Variants in SDHA observed in about 807,000 individuals in gnomAD.
SDHA encodes succinate dehydrogenase complex flavoprotein subunit A, also known as succinate dehydrogenase [ubiquinone] flavoprotein subunit, mitochondrial.
SDHA carries 48 observed loss-of-function variants against 78.4 expected under a neutral mutation model. The observed-to-expected ratio is 0.61, with a 90% CI of 0.49 to 0.78. The LOEUF (loss-of-function observed/expected upper bound fraction) is 0.78, where lower values mean the gene tolerates loss of function less well. Among genes scored for constraint, SDHA ranks in the 30% least tolerant of loss-of-function variants. SDHA has a pLI of 0.00. For missense variants in SDHA, 680 were observed against 892.7 expected (o/e 0.76, Z 3.04); for synonymous variants, 326 against 353.9 (o/e 0.92, Z 0.88).
the SDHA span, among the ~76,000 whole-genome samples, chr5:266,260 A>G: frequency 6.6e-6 from 1 of 152,226 alleles, no homozygotes; most frequent in Non-Finnish European, 1.5e-5. Context: ...AAGTATTAAT[A>G]TGGGCGTTTG....
chr5:240,542 T>C, intron 11 of SDHA, 66 bp downstream of exon 11: 1 of 1,075,606 alleles, frequency 9.3e-7, no homozygotes, highest in Non-Finnish European at 1.4e-6. Context: ...ACTGGTTTTG[T>C]TTTTTAAAAA....
At chr5:238,655 G>A (rs1017974967) in intron 10 of SDHA, among the ~76,000 whole-genome samples, 51 of 152,264 alleles carry the variant, frequency 3.3e-4, no homozygotes, top group Middle Eastern at 6.8e-3. Context: ...GCCTATACAT[G>A]TGTTAAAATT....
At chr5:248,472 C>T (rs1390984448) in intron 11 of SDHA, among the ~76,000 whole-genome samples, 3 of 152,336 alleles carry the variant, frequency 2.0e-5, no homozygotes, top group South Asian at 4.1e-4. Flanking sequence ...CAAGGGCTGA[C>T]ACAGAGAACA....
rs150326789 is a variant in SDHA at position 224,363 on chromosome 5, T to A, written c.154T>A (p.Ser52Thr). ...CAGGTGAATTTTTCTTTTCCAGATT[T>A]CTGCTCAGTATCCAGTAGTGGATCA... ...RASAKVSDSI[S>T]AQYPVVDHEF... Residue 52 changes from serine to threonine, a missense_variant, in exon 3 of 15, where the codon TCT becomes ACT. Physicochemically the swap from Ser to Thr is moderately conservative, Grantham distance 58 (BLOSUM62 1). Transcript: ENST00000264932. 9 of 1,613,084 alleles carry A rather than the reference T, an allele frequency of 5.6e-6. No individual in the cohort carries two copies. The African/African-American group carries it at 1.2e-4, about 22-fold the overall frequency.
chr5:219,719 T>C (rs1377301698), intron 1 of SDHA, among the ~76,000 whole-genome samples: 1 of 152,038 alleles, frequency 6.6e-6, no homozygotes, highest in Non-Finnish European at 1.5e-5. Flanking sequence ...CAGTGGGGCT[T>C]TTTAGGGGAA....
the SDHA span, among the ~76,000 whole-genome samples, chr5:262,540 T>C: frequency 7.3e-6 from 1 of 136,600 alleles, no homozygotes; most frequent in African/African-American, 3.5e-5. Flanking sequence ...CTTATGAAAA[T>C]CTAATGCTGA....
chr5:222,243 C>G (rs1190825792), intron 1 of SDHA, among the ~76,000 whole-genome samples: 1 of 151,912 alleles, frequency 6.6e-6, no homozygotes. Context: ...ATTTTTTATC[C>G]CACATAATAA....
At position 241,289 on chromosome 5, in the gene SDHA, T is replaced by C. The variant is rs1398392974; in HGVS notation, c.1551+813T>C. 3.3e-5 allele frequency among the ~76,000 whole-genome samples: 5 copies of C among 152,148 alleles called. No individual in the cohort carries two copies. In the East Asian group the frequency reaches 9.6e-4, roughly 29 times the overall value. ...GAAGCTCAGTCCCCAGCAGGGCAGC[T>C]TTCTCTTAGAGGTTTCCTGGAGTTC... is the stretch of plus-strand genomic sequence containing the variant. On this transcript the variant is annotated intron_variant, in intron 11 of 14. Transcript: ENST00000264932.
At chr5:267,527 T>C in the SDHA span, among the ~76,000 whole-genome samples, 1 of 152,178 alleles carries the variant, frequency 6.6e-6, no homozygotes, top group Non-Finnish European at 1.5e-5. Context: ...GTTGAGGGCC[T>C]ATATGTGCCA....
chr5:228,573 T>C (rs577680392), intron 6 of SDHA, among the ~76,000 whole-genome samples: 8 of 148,844 alleles, frequency 5.4e-5, no homozygotes, highest in African/African-American at 2.1e-4. Flanking sequence ...GTGGTTGCCC[T>C]CAGGTTCACA....
At position 256,989 on chromosome 5, in the gene SDHA, G is replaced by A. The variant is rs1245761651; in HGVS notation, c.*569G>A. Reference sequence around the variant, plus strand: ...CCAGCTCATTTATTTTGTAATTGTAGGGACAGGGTCTCACTGTGTTGCCTA... The same window carrying A: ...CCAGCTCATTTATTTTGTAATTGTAAGGACAGGGTCTCACTGTGTTGCCTA... On this transcript the variant is annotated 3_prime_UTR_variant, in exon 15 of 15. Transcript: ENST00000264932. Among the ~76,000 whole-genome samples, 2 of 151,570 alleles carry A rather than the reference G, an allele frequency of 1.3e-5. No homozygotes were observed. The highest frequency in any genetic ancestry group is 4.9e-5 in the African/African-American group (2 of 41,074).
chr5:256,839 T>TTTC lies in SDHA; in HGVS notation c.*420_*421insTCT, dbSNP rs1737236745. On this transcript the variant is annotated 3_prime_UTR_variant, in exon 15 of 15. Transcript: ENST00000264932. ...TTTCTTTTTCTTTTCTTTTTTTTTT[T>TTTC]TGAGACAGGATCGGTGCAGTAGTAC... The TTTC allele has an allele frequency of 3.5e-6, 1 of 285,562 alleles. No individual in the cohort carries two copies. The highest frequency in any genetic ancestry group is 6.8e-5 in the South Asian group (1 of 14,708). 17.7% of individuals were successfully genotyped at this position (285,562 alleles called of 1,614,324 possible). A position where few individuals can be genotyped will look rare whatever the true frequency, so the allele number is the denominator to read the frequency against.
In SDHA at chr5:223,411, A is replaced by G. The variant is rs1734825539; in HGVS notation, c.64-71A>G. ...GAAGGTGAACAGTTTGCAAGGGGAA[A>G]TTACTATCCCCCACAGCATTTGTTC... On this transcript the variant is annotated intron_variant, in intron 1 of 14. Coordinates refer to ENST00000264932, the MANE Select transcript of SDHA (RefSeq NM_004168.4). 26 of 1,129,988 alleles carry G rather than the reference A, an allele frequency of 2.3e-5. No individual in the cohort carries two copies. In the Admixed American group the frequency reaches 4.4e-4, roughly 19 times the overall value. The allele number at this position is 1,129,988 out of a possible 1,614,324, so 70.0% of individuals were successfully genotyped here.
chr5:250,576 T>C (rs1447672272), intron 11 of SDHA: 1 of 322,898 alleles, frequency 3.1e-6, no homozygotes, highest in African/African-American at 2.2e-5. Flanking sequence ...CTCCTCCTAG[T>C]GTGTATCACC....
chr5:264,799 T>C, the SDHA span, among the ~76,000 whole-genome samples: 1 of 152,272 alleles, frequency 6.6e-6, no homozygotes, highest in South Asian at 2.1e-4. Flanking sequence ...ATAGAGCCAC[T>C]GAAATCCTAA....
At chr5:226,220 G>C (rs1314417074) in intron 5 of SDHA, among the ~76,000 whole-genome samples, 173 bp downstream of exon 5, 1 of 152,208 alleles carries the variant, frequency 6.6e-6, no homozygotes, top group Non-Finnish European at 1.5e-5. Context: ...CCAGACGTGT[G>C]CCTTGAGGAG....
chr5:230,216 C>T (rs62347683), intron 6 of SDHA, among the ~76,000 whole-genome samples: 36,532 of 151,516 alleles, frequency 0.24, 6,846 homozygotes, highest in African/African-American at 0.53. Flanking sequence ...TTTTTAAATT[C>T]ATCAATCATA....
At chr5:262,452 T>G in the SDHA span, among the ~76,000 whole-genome samples, 1 of 152,306 alleles carries the variant, frequency 6.6e-6, no homozygotes, top group African/African-American at 2.4e-5. Context: ...TCCTGCCAGA[T>G]CAGTGGTGGC....
chr5:251,699 C>G (rs1201023615), intron 13 of SDHA: 6 of 1,478,322 alleles, frequency 4.1e-6, no homozygotes, highest in Non-Finnish European at 5.4e-6. Flanking sequence ...AGTGGCATCT[C>G]CAAGCCAATG....
Sources: allele counts gnomAD v4.1 joint callset (sites outside exome capture counted in the v4.1 genomes callset), GRCh38; gene constraint gnomAD v4.1.1; transcripts MANE v1.5; gene names NCBI Gene and HGNC (gene_info 2026-07-23, HGNC 2026-07-21).